The following ZNF385D variants were observed in gnomAD, a reference collection of about 807,000 sequenced individuals.
ZNF385D encodes zinc finger protein 385D.
Under a neutral mutation model 35.8 loss-of-function variants are expected in ZNF385D, and 15 were observed. The ratio of observed to expected loss-of-function variants is 0.42; its 90% CI spans 0.28 to 0.64. ZNF385D has a LOEUF of 0.64. ZNF385D is among the 30% of genes least tolerant of loss of function. The pLI, the probability that ZNF385D is intolerant of heterozygous loss-of-function variation, is 0.23. For synonymous variants in ZNF385D, 212 were observed against 186.8 expected (o/e 1.13, Z -1.10); for missense variants, 474 against 494.6 (o/e 0.96, Z 0.39).
At chr3:22,026,585 A>C (rs1697566768) in intron 3 of ZNF385D, among the ~76,000 whole-genome samples, 1 of 152,038 alleles carries the variant, frequency 6.6e-6, no homozygotes, top group African/African-American at 2.4e-5. Flanking sequence ...GGGTCCTCGG[A>C]CTCATCCTGT....
chr3:21,808,465 G>A (rs753804991), intron 3 of ZNF385D, among the ~76,000 whole-genome samples: 14 of 152,170 alleles, frequency 9.2e-5, no homozygotes, highest in Non-Finnish European at 1.6e-4. Context: ...GTGAATCCAA[G>A]CAGAGATGAC....
chr3:22,084,973 C>G (rs1428305755), intron 3 of ZNF385D, among the ~76,000 whole-genome samples: 1 of 152,196 alleles, frequency 6.6e-6, no homozygotes, highest in Non-Finnish European at 1.5e-5. Context: ...TCCTGAATGA[C>G]TACCGGGTAA....
At chr3:21,785,222 T>C (rs1415021621) in intron 3 of ZNF385D, among the ~76,000 whole-genome samples, 2 of 152,194 alleles carry the variant, frequency 1.3e-5, no homozygotes, top group African/African-American at 2.4e-5. Flanking sequence ...CTGAGCCCCA[T>C]ATATTTTCTA....
At chr3:22,339,989 G>A (rs1328947183) in intron 2 of ZNF385D, among the ~76,000 whole-genome samples, 1 of 152,006 alleles carries the variant, frequency 6.6e-6, no homozygotes, top group African/African-American at 2.4e-5. Context: ...GTCTAAATCT[G>A]CCCATCAGTC....
chr3:22,333,376 T>A (rs960984180), intron 2 of ZNF385D, among the ~76,000 whole-genome samples: 1 of 152,214 alleles, frequency 6.6e-6, no homozygotes, highest in African/African-American at 2.4e-5. Flanking sequence ...TTCACCGTAC[T>A]CTTTTTCTTC....
At chr3:21,480,183 AC>A in intron 4 of ZNF385D, among the ~76,000 whole-genome samples, 1 of 150,638 alleles carries the variant, frequency 6.6e-6, no homozygotes, top group Admixed American at 6.7e-5. Flanking sequence ...GCTCACTGCA[AC>A]CTCTGCCTCT....
At chr3:21,564,502 C>T in intron 3 of ZNF385D, 72 bp downstream of exon 3, 1 of 932,574 alleles carries the variant, frequency 1.1e-6, no homozygotes, top group Non-Finnish European at 1.5e-6. Flanking sequence ...CTTAAGAAAT[C>T]TTTTCTCCTG....
At chr3:21,928,152 A>G (rs1029898322) in intron 3 of ZNF385D, among the ~76,000 whole-genome samples, 3 of 152,030 alleles carry the variant, frequency 2.0e-5, no homozygotes, top group African/African-American at 7.2e-5. Flanking sequence ...TCACAGTTGT[A>G]GTGTGCTATC....
intron 2 of ZNF385D, among the ~76,000 whole-genome samples, chr3:21,614,541 TG>T (rs1329898829): frequency 6.6e-6 from 1 of 152,178 alleles, no homozygotes. Flanking sequence ...CATGGATGAA[TG>T]GCAGGGGGTG....
intron 2 of ZNF385D, among the ~76,000 whole-genome samples, chr3:22,203,434 G>A (rs1003935984): frequency 2.0e-5 from 3 of 152,130 alleles, no homozygotes; most frequent in Non-Finnish European, 2.9e-5. Flanking sequence ...CAAAGTTGTG[G>A]TGGCTACAAG....
chr3:21,691,360 C>T (rs1317289629), intron 1 of ZNF385D, among the ~76,000 whole-genome samples: 1 of 152,114 alleles, frequency 6.6e-6, no homozygotes, highest in Non-Finnish European at 1.5e-5. Context: ...CCTTTCCCAC[C>T]CACAGCAGAT....
chr3:21,772,871 T>A (rs542298722), intron 3 of ZNF385D, among the ~76,000 whole-genome samples: 1 of 152,028 alleles, frequency 6.6e-6, no homozygotes, highest in East Asian at 1.9e-4. Flanking sequence ...GGAATATCAT[T>A]CAGCCTTAAA....
At chr3:21,883,074 C>T (rs1311012335) in intron 3 of ZNF385D, among the ~76,000 whole-genome samples, 1 of 151,920 alleles carries the variant, frequency 6.6e-6, no homozygotes, top group Non-Finnish European at 1.5e-5. Context: ...TCTCCTACCA[C>T]TTTAAGAAGT....
chr3:22,069,116 T>C (rs928189414), intron 3 of ZNF385D, among the ~76,000 whole-genome samples: 1 of 152,220 alleles, frequency 6.6e-6, no homozygotes, highest in South Asian at 2.1e-4. Context: ...GTGTTTGTTG[T>C]GTTATAAAAA....
At position 22,332,234 on chromosome 3, in the gene ZNF385D, C is replaced by T. The variant is rs75024531; in HGVS notation, c.106+40216G>A. ...GCCTCTATGATATAAGTTCACTCAACGGCTAGGCAAATTCCATTGCAGAAC... is the reference window on the plus strand; with the variant it reads ...GCCTCTATGATATAAGTTCACTCAATGGCTAGGCAAATTCCATTGCAGAAC... On this transcript the variant is annotated intron_variant, in intron 2 of 5. Coordinates refer to the ZNF385D transcript ENST00000494108. Among the ~76,000 whole-genome samples, 436 of 152,152 alleles carry T rather than the reference C, an allele frequency of 2.9e-3. 3 individuals carry two copies. Among genetic ancestry groups the T allele is most frequent in the African/African-American group, 9.8e-3 (407 of 41,504 alleles).
At chr3:21,698,317 G>A (rs548864613) in intron 1 of ZNF385D, among the ~76,000 whole-genome samples, 1 of 150,024 alleles carries the variant, frequency 6.7e-6, no homozygotes, top group East Asian at 2.0e-4. Context: ...GGGGCTGGAG[G>A]CTATTATCCA....
At chr3:22,160,521 A>G (rs1294631331) in intron 3 of ZNF385D, among the ~76,000 whole-genome samples, 2 of 152,156 alleles carry the variant, frequency 1.3e-5, no homozygotes, top group African/African-American at 4.8e-5. Flanking sequence ...TTGTAAATTG[A>G]AAATCTTCTG....
chr3:22,029,854 G>C (rs1457088976), intron 3 of ZNF385D, among the ~76,000 whole-genome samples: 2 of 151,958 alleles, frequency 1.3e-5, no homozygotes, highest in Non-Finnish European at 2.9e-5. Flanking sequence ...GGTTCAAGTT[G>C]ACAAGGGGTG....
At chr3:21,797,746 T>A (rs75659211) in intron 3 of ZNF385D, among the ~76,000 whole-genome samples, 1 of 152,212 alleles carries the variant, frequency 6.6e-6, no homozygotes, top group South Asian at 2.1e-4. Context: ...ACGAGCAAAT[T>A]TGAAGAGGCC....
Sources: allele counts gnomAD v4.1 joint callset (sites outside exome capture counted in the v4.1 genomes callset), GRCh38; gene constraint gnomAD v4.1.1; transcripts MANE v1.5; gene names NCBI Gene and HGNC (gene_info 2026-07-23, HGNC 2026-07-21).